The following TMEM132D variants were observed in gnomAD, a reference collection of about 807,000 sequenced individuals.
The protein encoded by TMEM132D is transmembrane protein 132D.
In TMEM132D, 21 loss-of-function variants were observed where a neutral mutation model predicts 62.3. The ratio of observed to expected loss-of-function variants is 0.34; its 90% CI spans 0.24 to 0.49. The LOEUF is 0.49. Ranked by LOEUF, TMEM132D falls within the 20% of genes least tolerant of loss-of-function variation. The pLI, the probability that TMEM132D is intolerant of heterozygous loss-of-function variation, is 0.99. For synonymous variants in TMEM132D, 621 were observed against 575.6 expected, an observed-to-expected ratio of 1.08 and a Z score of -1.13; for missense variants, 1,346 against 1,402.8, an observed-to-expected ratio of 0.96 and a Z score of 0.65.
At chr12:129,872,329 C>G (rs551768495) in intron 1 of TMEM132D, among the ~76,000 whole-genome samples, 1 of 152,192 alleles carries the variant, frequency 6.6e-6, no homozygotes, top group South Asian at 2.1e-4. Flanking sequence ...AGGGGGAGGA[C>G]AAATAGGAGA....
chr12:129,191,012 C>T (rs982081972), intron 5 of TMEM132D, among the ~76,000 whole-genome samples: 4 of 152,044 alleles, frequency 2.6e-5, no homozygotes, highest in African/African-American at 9.7e-5. Context: ...TCCTTCCAGA[C>T]CCGGCTCCAG....
chr12:129,323,160 G>A (rs1251678516), intron 4 of TMEM132D, among the ~76,000 whole-genome samples: 1 of 152,020 alleles, frequency 6.6e-6, no homozygotes, highest in Non-Finnish European at 1.5e-5. Flanking sequence ...CTGCAGGGAG[G>A]CCTTTCTGTT....
intron 5 of TMEM132D, among the ~76,000 whole-genome samples, chr12:129,173,289 A>G (rs1387335755): frequency 1.3e-5 from 2 of 152,238 alleles, no homozygotes; most frequent in African/African-American, 4.8e-5. Context: ...CCTTGGATAT[A>G]AGAAAAGTCT....
intron 4 of TMEM132D, 54 bp downstream of exon 4, chr12:129,337,580 C>T (rs1279927036): frequency 6.9e-6 from 11 of 1,604,288 alleles, no homozygotes; most frequent in Admixed American, 1.7e-5. Flanking sequence ...GCGGCGCCGG[C>T]GCCTTCCCCT....
At chr12:129,586,488 G>A (rs1878034022) in intron 2 of TMEM132D, among the ~76,000 whole-genome samples, 2 of 152,130 alleles carry the variant, frequency 1.3e-5, no homozygotes, top group South Asian at 2.1e-4. Flanking sequence ...TCACACTTCC[G>A]GAGCCTGTGA....
chr12:129,840,675 G>C (rs1030964471), intron 1 of TMEM132D, among the ~76,000 whole-genome samples: 1 of 152,142 alleles, frequency 6.6e-6, no homozygotes, highest in Non-Finnish European at 1.5e-5. Flanking sequence ...CTCCCAGTGC[G>C]GCCGCCCGCT....
At chr12:129,666,581 T>C (rs1880383777) in intron 2 of TMEM132D, among the ~76,000 whole-genome samples, 1 of 151,974 alleles carries the variant, frequency 6.6e-6, no homozygotes, top group Admixed American at 6.5e-5. Flanking sequence ...TTTTGAAAAC[T>C]GTCAATTTAC....
At chr12:129,090,598 G>A (rs866322353) in intron 5 of TMEM132D, among the ~76,000 whole-genome samples, 5 of 152,106 alleles carry the variant, frequency 3.3e-5, no homozygotes, top group African/African-American at 1.2e-4. Context: ...AACCCGGGAG[G>A]TGGAAGTTGC....
chr12:129,400,824 G>A (rs1189433619), intron 3 of TMEM132D, among the ~76,000 whole-genome samples: 2 of 152,144 alleles, frequency 1.3e-5, no homozygotes, highest in Non-Finnish European at 2.9e-5. Context: ...ATTTGAGTGG[G>A]AAAGCAACCA....
At chr12:129,571,973 A>G (rs1219630017) in intron 2 of TMEM132D, among the ~76,000 whole-genome samples, 1 of 152,214 alleles carries the variant, frequency 6.6e-6, no homozygotes, top group Non-Finnish European at 1.5e-5. Flanking sequence ...TACACGCACC[A>G]TGAAAAGCAG....
chr12:129,728,875 C>T (rs1869124425), intron 1 of TMEM132D, among the ~76,000 whole-genome samples: 1 of 152,156 alleles, frequency 6.6e-6, no homozygotes, highest in Non-Finnish European at 1.5e-5. Context: ...TCCTTTTTCA[C>T]AATGTCCTCA....
intron 1 of TMEM132D, among the ~76,000 whole-genome samples, chr12:129,761,970 T>G (rs998775635): frequency 3.3e-5 from 5 of 152,172 alleles, no homozygotes; most frequent in Non-Finnish European, 2.9e-5. Context: ...TGGATTAAAG[T>G]GCTCACAACA....
chr12:129,201,109 T>A (rs560503021), intron 5 of TMEM132D, among the ~76,000 whole-genome samples: 2 of 152,360 alleles, frequency 1.3e-5, no homozygotes, highest in African/African-American at 4.8e-5. Flanking sequence ...CAGGTAGGGC[T>A]ACAGCCCCCT....
At chr12:129,647,094 C>A (rs1330034991) in intron 2 of TMEM132D, among the ~76,000 whole-genome samples, 1 of 128,436 alleles carries the variant, frequency 7.8e-6, no homozygotes, top group Non-Finnish European at 1.7e-5. Flanking sequence ...GCCACTGCGC[C>A]CAACCACATG....
intron 3 of TMEM132D, among the ~76,000 whole-genome samples, chr12:129,476,951 T>G (rs1261337518): frequency 6.6e-6 from 1 of 152,220 alleles, no homozygotes; most frequent in Non-Finnish European, 1.5e-5. Flanking sequence ...CCAAAAACCC[T>G]GATTGTGACA....
rs144167215 is a variant in TMEM132D, at chr12:129,633,981, C to A, written c.968+65829G>T. Reference sequence around the variant, plus strand: ...AAAAGAACAACACCTTCTCCCCCAACATATATCTCCGTGTTGCGGAGGAAG... The same window carrying A: ...AAAAGAACAACACCTTCTCCCCCAAAATATATCTCCGTGTTGCGGAGGAAG... On this transcript the variant is annotated intron_variant, in intron 2 of 8. Coordinates refer to ENST00000422113, the MANE Select transcript of TMEM132D (RefSeq NM_133448.3). 1.9e-4 allele frequency among the ~76,000 whole-genome samples: 29 copies of A among 152,306 alleles called. No individual in the cohort carries two copies. The South Asian group carries it at 5.2e-3, about 27-fold the overall frequency.
At chr12:129,626,694 G>A (rs1010001606) in intron 2 of TMEM132D, among the ~76,000 whole-genome samples, 3 of 152,236 alleles carry the variant, frequency 2.0e-5, no homozygotes, top group East Asian at 3.9e-4. Flanking sequence ...GCCCTCAAGT[G>A]ATCCGCCCTC....
chr12:129,093,100 C>G (rs979264516), intron 5 of TMEM132D, among the ~76,000 whole-genome samples: 1 of 152,168 alleles, frequency 6.6e-6, no homozygotes, highest in African/African-American at 2.4e-5. Flanking sequence ...CATGCTGGAC[C>G]AGTTTCAAAT....
chr12:129,801,740 G>C (rs1429309148), intron 1 of TMEM132D, among the ~76,000 whole-genome samples: 3 of 149,506 alleles, frequency 2.0e-5, no homozygotes, highest in Non-Finnish European at 4.5e-5. Flanking sequence ...AAATTACTCT[G>C]AGCTACGGGA....
Sources: gnomAD v4.1 joint callset for allele counts (sites outside exome capture counted in the v4.1 genomes callset) on GRCh38, gnomAD v4.1.1 for gene constraint, MANE v1.5 for transcripts, NCBI Gene and HGNC (gene_info 2026-07-23, HGNC 2026-07-21) for gene names.